The following LRP1B variants were observed in gnomAD, a reference collection of about 807,000 sequenced individuals.
The protein encoded by LRP1B is low-density lipoprotein receptor-related protein 1B.
LRP1B carries 217 observed loss-of-function variants against 556.6 expected under a neutral mutation model. The observed-to-expected ratio is 0.39, with a 90% confidence interval of 0.35 to 0.44. The LOEUF is 0.44. Ranked by LOEUF, LRP1B falls within the 20% of genes least tolerant of loss-of-function variation. The pLI is 1.00. For synonymous variants in LRP1B, 2,047 were observed against 1,865.8 expected (o/e 1.10, Z -2.50); for missense variants, 5,053 against 5,620.8 (o/e 0.90, Z 3.23).
At position 141,544,296 on chromosome 2, in the gene LRP1B, C is replaced by CTCTTCTTCTTCTTCT. The variant is rs1175616888; in HGVS notation, c.206-63778_206-63764dup. Among the ~76,000 whole-genome samples, 34 of 78,340 alleles carry CTCTTCTTCTTCTTCT rather than the reference C, an allele frequency of 4.3e-4. 1 individual carries two copies. The highest frequency in any genetic ancestry group is 1.6e-3 in the African/African-American group (31 of 19,380). 51.4% of individuals were successfully genotyped at this position (78,340 alleles called of 152,430 possible). On this transcript the variant is annotated intron_variant, in intron 2 of 90. Transcript: ENST00000389484. ...AAGTCTTCTCTTAAGAAATTTACCA[C>CTCTTCTTCTTCTTCT]TCTTCTTCTTCTTCTTCTTCTTCTT...
At chr2:141,309,870 A>T (rs1286035003) in intron 3 of LRP1B, among the ~76,000 whole-genome samples, 1 of 152,092 alleles carries the variant, frequency 6.6e-6, no homozygotes, top group East Asian at 1.9e-4. Context: ...AAAGACATCA[A>T]TTGCAAAATG....
chr2:140,459,883 C>G (rs796176320), intron 60 of LRP1B, among the ~76,000 whole-genome samples: 47 of 152,256 alleles, frequency 3.1e-4, no homozygotes, highest in African/African-American at 1.1e-3. Context: ...CTCCCTCTCT[C>G]CTGCTGCCAT....
chr2:141,840,501 C>T (rs1371820647), intron 1 of LRP1B, among the ~76,000 whole-genome samples: 1 of 151,916 alleles, frequency 6.6e-6, no homozygotes, highest in African/African-American at 2.4e-5. Context: ...TCGTGATCCG[C>T]CCGCCTCGGC....
intron 3 of LRP1B, among the ~76,000 whole-genome samples, chr2:141,379,882 G>A (rs1353499197): frequency 6.6e-6 from 1 of 152,160 alleles, no homozygotes; most frequent in Non-Finnish European, 1.5e-5. Flanking sequence ...GGATTAGACT[G>A]AGGATCCAAT....
Position 141,634,004 on chromosome 2 carries a change from C to T in LRP1B, c.206-153471G>A, listed in dbSNP as rs183255088. 2.1e-4 allele frequency among the ~76,000 whole-genome samples: 32 copies of T among 151,636 alleles called. 1 individual carries two copies. Among genetic ancestry groups the T allele is most frequent in the African/African-American group, 7.0e-4 (29 of 41,438 alleles). On this transcript the variant is annotated intron_variant, in intron 2 of 90. Transcript: ENST00000389484. ...TAGGGCTTTGGCTAAAATCACTATA[C>T]GTGAGTAATTATTTCCCACACAGCA... is the stretch of plus-strand genomic sequence containing the variant.
intron 11 of LRP1B, among the ~76,000 whole-genome samples, chr2:141,036,392 G>A (rs1385042903): frequency 6.6e-6 from 1 of 151,986 alleles, no homozygotes; most frequent in East Asian, 1.9e-4. Context: ...AGAGATCCCT[G>A]AGTGTCTCAC....
intron 21 of LRP1B, among the ~76,000 whole-genome samples, chr2:140,913,982 A>G (rs1694500630): frequency 6.6e-6 from 1 of 152,158 alleles, no homozygotes; most frequent in African/African-American, 2.4e-5. Flanking sequence ...CCTGTTCAAA[A>G]AGCAATAATG....
At chr2:140,313,947 TA>T (rs566252789) in intron 83 of LRP1B, among the ~76,000 whole-genome samples, 5 of 151,906 alleles carry the variant, frequency 3.3e-5, no homozygotes, top group Non-Finnish European at 7.4e-5. Context: ...TTTATAGACA[TA>T]AAATTATCTA....
chr2:141,752,037 T>C (rs1372883449), intron 2 of LRP1B, among the ~76,000 whole-genome samples: 1 of 151,942 alleles, frequency 6.6e-6, no homozygotes, highest in Non-Finnish European at 1.5e-5. Context: ...AAATTACAGA[T>C]TATGACTTTT....
chr2:141,609,856 G>T (rs1688042721), intron 2 of LRP1B, among the ~76,000 whole-genome samples: 1 of 152,046 alleles, frequency 6.6e-6, no homozygotes, highest in Non-Finnish European at 1.5e-5. Context: ...AATCCCTAAT[G>T]TTAGAAAGAG....
chr2:140,446,249 G>T (rs1686655551), intron 63 of LRP1B, among the ~76,000 whole-genome samples: 2 of 152,006 alleles, frequency 1.3e-5, no homozygotes, highest in African/African-American at 4.8e-5. Flanking sequence ...CCAGAAAAAG[G>T]TTGCAACTAT....
At chr2:141,907,740 T>C (rs1699798769) in intron 1 of LRP1B, among the ~76,000 whole-genome samples, 2 of 152,026 alleles carry the variant, frequency 1.3e-5, no homozygotes, top group South Asian at 4.1e-4. Context: ...ACACAGTATC[T>C]ATGGCAATTA....
intron 3 of LRP1B, among the ~76,000 whole-genome samples, chr2:141,293,090 A>C (rs1462315364): frequency 6.6e-6 from 1 of 152,158 alleles, no homozygotes; most frequent in Non-Finnish European, 1.5e-5. Context: ...ACTTTTTTAA[A>C]AGGATGTCTC....
intron 1 of LRP1B, among the ~76,000 whole-genome samples, chr2:142,021,756 G>A (rs901965090): frequency 1.3e-5 from 2 of 151,996 alleles, no homozygotes; most frequent in African/African-American, 2.4e-5. Context: ...AACAACAAAA[G>A]TATTCTACCT....
At chr2:141,620,848 A>G (rs922620103) in intron 2 of LRP1B, among the ~76,000 whole-genome samples, 22 of 152,142 alleles carry the variant, frequency 1.4e-4, no homozygotes, top group African/African-American at 4.8e-4. Context: ...GGCTTGTATC[A>G]TTCAGGTTAG....
chr2:142,056,473 C>A (rs941663226), intron 1 of LRP1B, among the ~76,000 whole-genome samples: 1 of 151,970 alleles, frequency 6.6e-6, no homozygotes, highest in African/African-American at 2.4e-5. Flanking sequence ...GCATGGATGG[C>A]ATAATAGGAA....
At chr2:142,045,297 A>T (rs1236338352) in intron 1 of LRP1B, among the ~76,000 whole-genome samples, 2 of 151,866 alleles carry the variant, frequency 1.3e-5, no homozygotes, top group Non-Finnish European at 2.9e-5. Flanking sequence ...AGTTCATAAA[A>T]GTGGGTGAAA....
chr2:140,251,285 T>C (rs570391305), intron 86 of LRP1B, among the ~76,000 whole-genome samples: 2 of 151,880 alleles, frequency 1.3e-5, no homozygotes, highest in African/African-American at 4.8e-5. Flanking sequence ...GTAAGACATA[T>C]AAACCGTCTA....
rs190815336 is a variant in LRP1B, at chr2:140,472,825, G to A, written c.9625+2313C>T. Among the ~76,000 whole-genome samples the A allele has an allele frequency of 2.0e-5, 3 of 152,144 alleles. No individual in the cohort carries two copies. In the East Asian group the frequency reaches 5.8e-4, roughly 29 times the overall value. On this transcript the variant is annotated intron_variant, in intron 60 of 90. Coordinates refer to ENST00000389484, the MANE Select transcript of LRP1B (RefSeq NM_018557.3). The stretch of plus-strand genomic sequence containing the variant: ...ATTTGGCTTATGAGAAAGGGCTGTT[G>A]TTCTGAAAAGTCTCATATGTTTTTT...
Sources: gnomAD v4.1 joint callset for allele counts (sites outside exome capture counted in the v4.1 genomes callset) on GRCh38, gnomAD v4.1.1 for gene constraint, MANE v1.5 for transcripts, NCBI Gene and HGNC (gene_info 2026-07-23, HGNC 2026-07-21) for gene names.